ATP8A2: variants seen among roughly 807,000 people sequenced by gnomAD.
The protein encoded by ATP8A2 is phospholipid-transporting ATPase IB.
A neutral mutation model predicts 165.6 loss-of-function variants in ATP8A2; 100 were observed. The observed-to-expected ratio is 0.60, with a 90% CI of 0.51 to 0.71. ATP8A2 has a LOEUF of 0.71. Among genes scored for constraint, ATP8A2 ranks in the 30% least tolerant of loss-of-function variants. ATP8A2 has a pLI of 0.00. For synonymous variants in ATP8A2, 543 were observed against 548.8 expected (o/e 0.99, Z 0.15); for missense variants, 1,227 against 1,479.5 (o/e 0.83, Z 2.80).
intron 2 of ATP8A2, among the ~76,000 whole-genome samples, chr13:25,480,582 C>T (rs61947641): frequency 2.1e-4 from 31 of 150,328 alleles, no homozygotes; most frequent in African/African-American, 7.4e-4. Context: ...GACGCTCCTC[C>T]CTTCCTAGAT....
chr13:25,993,206 T>TC (rs1167405613), intron 35 of ATP8A2, among the ~76,000 whole-genome samples: 2 of 152,130 alleles, frequency 1.3e-5, no homozygotes, highest in Non-Finnish European at 2.9e-5. Context: ...ATATACCCAG[T>TC]AATGGGATGG....
intron 2 of ATP8A2, among the ~76,000 whole-genome samples, chr13:25,476,598 A>C (rs1191089993): frequency 2.0e-5 from 3 of 152,160 alleles, no homozygotes; most frequent in Non-Finnish European, 4.4e-5. Flanking sequence ...CAGAATCATA[A>C]CTTTTTTGGT....
chr13:25,729,873 T>C (rs2043580315), intron 25 of ATP8A2, among the ~76,000 whole-genome samples: 1 of 152,164 alleles, frequency 6.6e-6, no homozygotes, highest in Non-Finnish European at 1.5e-5. Context: ...GCAAATAAAT[T>C]TGTATAATTG....
At chr13:25,512,293 C>T (rs1213026676) in intron 2 of ATP8A2, among the ~76,000 whole-genome samples, 2 of 152,176 alleles carry the variant, frequency 1.3e-5, no homozygotes, top group East Asian at 1.9e-4. Flanking sequence ...TCTACACAGA[C>T]ACGGCAACCA....
rs1955431121 is a variant in ATP8A2, at chr13:25,953,535, A to C, written c.3184-8040A>C. Among the ~76,000 whole-genome samples the C allele has an allele frequency of 7.1e-6, 1 of 140,078 alleles. No homozygotes were observed. The highest frequency in any genetic ancestry group is 1.6e-5 in the Non-Finnish European group (1 of 63,752). 91.9% of individuals were successfully genotyped at this position (140,078 alleles called of 152,430 possible). ...CTCCAGCCTTTTTAAAAAAAAAAAAAAAAAAAAAAAAGCAAGGGAAATAGG... is the reference window on the plus strand; with the variant it reads ...CTCCAGCCTTTTTAAAAAAAAAAAACAAAAAAAAAAAGCAAGGGAAATAGG... On this transcript the variant is annotated intron_variant, in intron 33 of 36. Transcript: ENST00000381655. The surrounding 1 kb of genome is among the most constrained non-coding windows in gnomAD (Gnocchi z 6.7).
At chr13:25,400,440 TA>T (rs2033601549) in intron 1 of ATP8A2, among the ~76,000 whole-genome samples, 1 of 152,200 alleles carries the variant, frequency 6.6e-6, no homozygotes, top group Non-Finnish European at 1.5e-5. Flanking sequence ...GTTACCTGCA[TA>T]GAATGTGTGA....
intron 27 of ATP8A2, among the ~76,000 whole-genome samples, chr13:25,785,412 A>G (rs2044999422): frequency 6.6e-6 from 1 of 152,104 alleles, no homozygotes; most frequent in Non-Finnish European, 1.5e-5. Context: ...CTTTAAACAC[A>G]TTTCTACCTT....
chr13:25,381,745 C>A (rs1211924845), intron 1 of ATP8A2, among the ~76,000 whole-genome samples: 1 of 150,232 alleles, frequency 6.7e-6, no homozygotes, highest in African/African-American at 2.5e-5. Flanking sequence ...GAGATCTTGG[C>A]CTTCTACGCG....
At chr13:25,487,919 A>G in intron 2 of ATP8A2, among the ~76,000 whole-genome samples, 1 of 152,146 alleles carries the variant, frequency 6.6e-6, no homozygotes, top group East Asian at 1.9e-4. Context: ...TAACAAGTAC[A>G]TGAGTCTTGG....
intron 27 of ATP8A2, among the ~76,000 whole-genome samples, chr13:25,786,718 G>A (rs553507007): frequency 6.4e-4 from 97 of 150,906 alleles, no homozygotes; most frequent in African/African-American, 1.8e-3. Flanking sequence ...TAATTTACAC[G>A]GAGTAAAATT....
intron 2 of ATP8A2, among the ~76,000 whole-genome samples, chr13:25,485,133 C>T (rs184782337): frequency 3.3e-5 from 5 of 152,272 alleles, no homozygotes; most frequent in African/African-American, 1.2e-4. Flanking sequence ...ATGACGATGC[C>T]GTGGTAAGGC....
chr13:25,623,836 A>G (rs2041035156), intron 24 of ATP8A2, among the ~76,000 whole-genome samples: 1 of 152,068 alleles, frequency 6.6e-6, no homozygotes, highest in Admixed American at 6.5e-5. Flanking sequence ...AATTATGCAT[A>G]GATTATAAAT....
chr13:25,993,188 A>C (rs1168798656), intron 35 of ATP8A2, among the ~76,000 whole-genome samples: 3 of 152,062 alleles, frequency 2.0e-5, no homozygotes, highest in Non-Finnish European at 2.9e-5. Context: ...ATTTATAGTC[A>C]TTTGGGTATA....
intron 1 of ATP8A2, among the ~76,000 whole-genome samples, chr13:25,399,397 C>CTTTTTTTTTTTTT (rs71077467): frequency 6.8e-5 from 5 of 74,056 alleles, no homozygotes; most frequent in Admixed American, 2.1e-4. Flanking sequence ...AGTGGTTCTT[C>CTTTTTTTTTTTTT]TTTTTTTTTT....
chr13:25,650,829 C>A (rs1414594933), intron 24 of ATP8A2, among the ~76,000 whole-genome samples: 1 of 152,096 alleles, frequency 6.6e-6, no homozygotes, highest in Non-Finnish European at 1.5e-5. Flanking sequence ...TCTAGCTTTC[C>A]TAGAAATAGC....
At chr13:25,833,752 A>G (rs113374418) in intron 28 of ATP8A2, among the ~76,000 whole-genome samples, 2 of 152,350 alleles carry the variant, frequency 1.3e-5, no homozygotes, top group East Asian at 3.9e-4. Context: ...TCCTGGAAAC[A>G]TGTACTTTTC....
rs761908148 is a variant in ATP8A2, at chr13:25,631,262, G to A, written c.2211+41563G>A. On this transcript the variant is annotated intron_variant, in intron 24 of 36. Transcript: ENST00000381655. ...CATCTGTGCTCTGTTCAGCACCTCCGCTCACGTGTGGCTAGTGCAACCGAG... is the reference window on the plus strand; with the variant it reads ...CATCTGTGCTCTGTTCAGCACCTCCACTCACGTGTGGCTAGTGCAACCGAG... Among the ~76,000 whole-genome samples, 41 of 152,096 alleles carry A rather than the reference G, an allele frequency of 2.7e-4. 1 individual carries two copies. The highest frequency in any genetic ancestry group is 1.2e-3 in the Admixed American group (19 of 15,250).
chr13:25,513,036 G>C (rs1195267192), intron 2 of ATP8A2, among the ~76,000 whole-genome samples: 1 of 150,150 alleles, frequency 6.7e-6, no homozygotes, highest in South Asian at 2.1e-4. Context: ...CCTCCCGGAC[G>C]GGGCGGCTGG....
chr13:25,598,639 C>G (rs2040300151), intron 24 of ATP8A2, among the ~76,000 whole-genome samples: 1 of 152,020 alleles, frequency 6.6e-6, no homozygotes, highest in African/African-American at 2.4e-5. Context: ...TTATGCATTC[C>G]TTTTAATCCT....
Sources: gnomAD v4.1 joint callset for allele counts (sites outside exome capture counted in the v4.1 genomes callset) on GRCh38, gnomAD v4.1.1 for gene constraint, Gnocchi (gnomAD v3.1) non-coding constraint, MANE v1.5 for transcripts, NCBI Gene and HGNC (gene_info 2026-07-23, HGNC 2026-07-21) for gene names.